CGGBP1: variants seen among roughly 807,000 people sequenced by gnomAD.
The protein encoded by CGGBP1 is CGG triplet repeat-binding protein 1.
CGGBP1 carries 4 observed loss-of-function variants against 11.4 expected under a neutral mutation model. That is an observed-to-expected ratio of 0.35 (90% CI 0.17 to 0.80). The LOEUF (loss-of-function observed/expected upper bound fraction) is 0.80, where lower values mean the gene tolerates loss of function less well. Among genes scored for constraint, CGGBP1 ranks in the 30% least tolerant of loss-of-function variants. The pLI is 0.52. For missense variants in CGGBP1, 135 were observed against 202.1 expected (o/e 0.67, Z 2.01); for synonymous variants, 76 against 74.1 (o/e 1.03, Z -0.13).
At chr3:88,111,231 T>C (rs560693810) in intron 2 of CGGBP1, among the ~76,000 whole-genome samples, 5 of 152,066 alleles carry the variant, frequency 3.3e-5, no homozygotes, top group East Asian at 3.9e-4. Context: ...TTTATACTTA[T>C]TAATAGTAAA....
intron 1 of CGGBP1, among the ~76,000 whole-genome samples, chr3:88,145,518 G>T (rs866392475): frequency 4.6e-5 from 7 of 151,998 alleles, no homozygotes; most frequent in Non-Finnish European, 4.4e-5. Flanking sequence ...AGTTATTGGG[G>T]TTTAGATAAC....
chr3:88,082,817 A>AAT (rs1708149417), intron 2 of CGGBP1, among the ~76,000 whole-genome samples: 1 of 152,192 alleles, frequency 6.6e-6, no homozygotes, highest in South Asian at 2.1e-4. Context: ...CCATAGGAAA[A>AAT]TGCTTGGTGG....
At chr3:88,071,276 A>C (rs1420405269) in intron 2 of CGGBP1, among the ~76,000 whole-genome samples, 1 of 151,854 alleles carries the variant, frequency 6.6e-6, no homozygotes, top group Non-Finnish European at 1.5e-5. Context: ...TTGGGAGGCC[A>C]AGGTGGGCGG....
intron 2 of CGGBP1, among the ~76,000 whole-genome samples, chr3:88,084,721 C>G (rs1708249214): frequency 6.6e-6 from 1 of 152,160 alleles, no homozygotes; most frequent in Non-Finnish European, 1.5e-5. Flanking sequence ...GGCAATTACA[C>G]GAAACTCTTG....
At chr3:88,126,016 C>T (rs995710563) in intron 2 of CGGBP1, 5 of 1,129,290 alleles carry the variant, frequency 4.4e-6, no homozygotes, top group Non-Finnish European at 6.0e-6. Flanking sequence ...GTAACCCTTT[C>T]TCTTTTATAA....
chr3:88,055,660 T>C lies in CGGBP1; in HGVS notation c.317A>G (p.Asp106Gly). The C allele has an allele frequency of 6.2e-7, 1 of 1,614,194 alleles. No homozygotes were observed. The highest frequency in any genetic ancestry group is 8.5e-7 in the Non-Finnish European group (1 of 1,180,024). Residue 106 changes from aspartate (D) to glycine (G), a missense_variant, in exon 4 of 4, where the codon GAC (aspartate) becomes GGC (glycine). Coordinates refer to ENST00000482016, the MANE Select transcript of CGGBP1 (RefSeq NM_001008390.2). The surrounding 1 kb of genome is among the most constrained non-coding windows in gnomAD (Gnocchi z 4.2). ...GGCTTCCAGGCACATTTTCACAAAG[T>C]CCTGGATAACACTGACTTTCTCTGT... The part of the protein sequence containing the change: ...AQTEKVSVIQ[D>G]FVKMCLEANI...
intron 2 of CGGBP1, chr3:88,128,980 T>C: frequency 6.5e-7 from 1 of 1,534,974 alleles, no homozygotes; most frequent in Non-Finnish European, 8.7e-7. Flanking sequence ...TGTCTGTTTA[T>C]GTCACCTGTA....
chr3:88,070,532 A>G lies in CGGBP1; in HGVS notation c.-228-12309T>C, dbSNP rs1347069497. On this transcript the variant is annotated intron_variant, in intron 2 of 3. Transcript: ENST00000462901. ...CCAAAAAAAGTTATGAACCTTTGCT[A>G]TACGCCACTGTGGCAAAGGCAACAC... 7.5e-4 allele frequency among the ~76,000 whole-genome samples: 110 copies of G among 147,054 alleles called. 1 individual carries two copies. The highest frequency in any genetic ancestry group is 2.1e-4 in the South Asian group (1 of 4,754).
intron 2 of CGGBP1, among the ~76,000 whole-genome samples, chr3:88,098,946 A>G (rs1453709304): frequency 6.6e-6 from 1 of 152,232 alleles, no homozygotes; most frequent in African/African-American, 2.4e-5. Flanking sequence ...GCCCTCTGTC[A>G]CTACTTCTAT....
chr3:88,059,303 T>A, upstream of CGGBP1: 1 of 1,533,272 alleles, frequency 6.5e-7, no homozygotes, highest in Non-Finnish European at 8.7e-7. Context: ...TGGTACGCGC[T>A]GGGCGGCGAG....
intron 2 of CGGBP1, chr3:88,086,491 T>TTA: frequency 1.8e-6 from 2 of 1,113,254 alleles, no homozygotes; most frequent in Non-Finnish European, 2.4e-6. Context: ...AGAAGAAACC[T>TTA]TTCCTAAAGT....
At chr3:88,133,511 T>C (rs1417908669) in intron 2 of CGGBP1, among the ~76,000 whole-genome samples, 1 of 152,138 alleles carries the variant, frequency 6.6e-6, no homozygotes, top group African/African-American at 2.4e-5. Flanking sequence ...GGGGTATTCA[T>C]GAAGGCTTTC....
intron 2 of CGGBP1, among the ~76,000 whole-genome samples, chr3:88,128,650 A>ATAAC (rs1230313333): frequency 1.4e-4 from 22 of 152,142 alleles, no homozygotes; most frequent in African/African-American, 4.8e-4. Flanking sequence ...TTCCAACCAT[A>ATAAC]TAACTGAATA....
chr3:88,088,486 G>C (rs1428958238), intron 2 of CGGBP1, among the ~76,000 whole-genome samples: 1 of 152,084 alleles, frequency 6.6e-6, no homozygotes, highest in Non-Finnish European at 1.5e-5. Context: ...AAGGAATAAT[G>C]AGATATGAAA....
intron 2 of CGGBP1, among the ~76,000 whole-genome samples, chr3:88,116,083 A>G (rs978670431): frequency 6.6e-6 from 1 of 152,120 alleles, no homozygotes; most frequent in African/African-American, 2.4e-5. Flanking sequence ...TGCTTGTAAC[A>G]ACAAGGGCTG....
At chr3:88,137,194 C>CAAAAAAAA (rs11401199) in intron 2 of CGGBP1, among the ~76,000 whole-genome samples, 2 of 70,720 alleles carry the variant, frequency 2.8e-5, no homozygotes, top group Non-Finnish European at 4.7e-5. Flanking sequence ...GACTCTGTCT[C>CAAAAAAAA]AAAAAAAAAA....
At chr3:88,139,985 A>C (rs1707020788) in intron 2 of CGGBP1, 1 of 1,613,804 alleles carries the variant, frequency 6.2e-7, no homozygotes, top group East Asian at 2.2e-5. Flanking sequence ...CCGTACATCC[A>C]ACCGATTTAA....
chr3:88,105,082 G>C (rs553503789), intron 2 of CGGBP1, among the ~76,000 whole-genome samples: 12 of 152,358 alleles, frequency 7.9e-5, no homozygotes, highest in African/African-American at 2.9e-4. Flanking sequence ...GGAGGTAGCA[G>C]TGAGCTGAGT....
chr3:88,127,999 A>G lies in CGGBP1; in HGVS notation c.-229+12971T>C, dbSNP rs538804160. Among the ~76,000 whole-genome samples, 14 of 152,358 alleles carry G rather than the reference A, an allele frequency of 9.2e-5. No individual in the cohort carries two copies. In the East Asian group the frequency reaches 2.3e-3, roughly 25 times the overall value. ...GCACTTTAGAAGCTACTGATTAAATATAAGTAATTAAAATACTTCTGGATT... is the reference window on the plus strand; with the variant it reads ...GCACTTTAGAAGCTACTGATTAAATGTAAGTAATTAAAATACTTCTGGATT... On this transcript the variant is annotated intron_variant, in intron 2 of 3. Transcript: ENST00000462901.
Sources: allele counts gnomAD v4.1 joint callset (sites outside exome capture counted in the v4.1 genomes callset), GRCh38; gene constraint gnomAD v4.1.1; non-coding constraint Gnocchi (gnomAD v3.1); transcripts MANE v1.5; gene names NCBI Gene and HGNC (gene_info 2026-07-23, HGNC 2026-07-21).